The following CSPG5 variants were observed in gnomAD, a reference collection of about 807,000 sequenced individuals.
The protein encoded by CSPG5 is acidic leucine-rich EGF-like domain-containing brain protein.
Under a neutral mutation model 39.8 loss-of-function variants are expected in CSPG5, and 25 were observed. That is an observed-to-expected ratio of 0.63 (90% CI 0.46 to 0.88). The LOEUF is 0.88. Among genes scored for constraint, CSPG5 ranks in the 40% least tolerant of loss-of-function variants. The pLI is 0.00. For synonymous variants in CSPG5, 295 were observed against 303.9 expected (o/e 0.97, Z 0.31); for missense variants, 627 against 702.2 (o/e 0.89, Z 1.21).
Position 47,562,696 on chromosome 3 carries a change from T to G in CSPG5, c.1524A>C (p.Ser508=), listed in dbSNP as rs1293666691. The part of the protein sequence containing the change: ...VLKSCLKEEE[S]FNIQNSMSPK... ...GCGACATGGAGTTCTGGATGTTAAA[T>G]GACTCCTCCTCTTTCAGGCAGGACT... is the stretch of plus-strand genomic sequence containing the variant. Residue 508 remains serine (S), a synonymous_variant, in exon 5 of 5, where the codon TCA becomes TCC. Transcript: ENST00000264723. The G allele has an allele frequency of 6.2e-7, 1 of 1,613,974 alleles. No homozygotes were observed. The highest frequency in any genetic ancestry group is 2.2e-5 in the East Asian group (1 of 44,892).
At position 47,578,084 on chromosome 3, in the gene CSPG5, G is replaced by T; in HGVS notation, c.98-156C>A. On this transcript the variant is annotated intron_variant, in intron 1 of 4. Coordinates refer to ENST00000264723, the MANE Select transcript of CSPG5 (RefSeq NM_006574.4). This position sits in a 1 kb window ranked among gnomAD's most constrained non-coding sequence, Gnocchi z 6.0. ...CGCCCCAGTGTGACCCCAGCCACCC[G>T]GTACCTCTAAGCCCCGTCCCGGAGT... The T allele has an allele frequency of 8.7e-7, 1 of 1,154,416 alleles. No individual in the cohort carries two copies. Among genetic ancestry groups the T allele is most frequent in the African/African-American group, 1.6e-5 (1 of 60,926 alleles). The allele number at this position is 1,154,416 out of a possible 1,614,324, so 71.5% of individuals were successfully genotyped here.
chr3:47,566,656 C>G (rs1221703200), intron 4 of CSPG5, among the ~76,000 whole-genome samples: 3 of 152,202 alleles, frequency 2.0e-5, no homozygotes, highest in Non-Finnish European at 4.4e-5. Flanking sequence ...CAGCCTCAAT[C>G]TCCTTGAAGT....
chr3:47,564,295 G>C (rs900623356), intron 4 of CSPG5, among the ~76,000 whole-genome samples: 1 of 152,168 alleles, frequency 6.6e-6, no homozygotes, highest in Admixed American at 6.5e-5. Context: ...TGGGAGTGAT[G>C]AGTTGGAAAG....
At position 47,578,050 on chromosome 3, in the gene CSPG5, A is replaced by C; in HGVS notation, c.98-122T>G. On this transcript the variant is annotated intron_variant, in intron 1 of 4. Coordinates refer to ENST00000264723, the MANE Select transcript of CSPG5 (RefSeq NM_006574.4). The surrounding 1 kb of genome is among the most constrained non-coding windows in gnomAD (Gnocchi z 6.0). ...GGTCAACCCAGACCTCGCCACCCTC[A>C]GACCCCACCGCCCCAGTGTGACCCC... 1.5e-6 allele frequency: 2 copies of C among 1,298,024 alleles called. No individual in the cohort carries two copies. The highest frequency in any genetic ancestry group is 2.0e-6 in the Non-Finnish European group (2 of 1,023,994). The allele number at this position is 1,298,024 out of a possible 1,614,324, so 80.4% of individuals were successfully genotyped here. A position where few individuals can be genotyped will look rare whatever the true frequency, so the allele number is the denominator to read the frequency against.
chr3:47,576,007 G>A (rs1185184788), intron 2 of CSPG5, among the ~76,000 whole-genome samples: 3 of 142,878 alleles, frequency 2.1e-5, no homozygotes, highest in Non-Finnish European at 3.0e-5. Flanking sequence ...GCGTGATCTC[G>A]GCTCACTGCA....
chr3:47,573,923 C>T (rs938023187), intron 2 of CSPG5, among the ~76,000 whole-genome samples: 7 of 152,342 alleles, frequency 4.6e-5, no homozygotes, highest in Admixed American at 6.5e-5. Context: ...AGAAGTTCCG[C>T]CACAGCTCTG....
Position 47,572,957 on chromosome 3 carries a change from C to A in CSPG5, c.1194-83G>T. On this transcript the variant is annotated intron_variant, in intron 2 of 4. Transcript: ENST00000264723. The surrounding 1 kb of genome is among the most constrained non-coding windows in gnomAD (Gnocchi z 4.5). ...AGGGCCTGGGCCCTGACCCCAACAC[C>A]TATCTCCACAGCCTGTTCCGAAGGC... 3 of 1,176,434 alleles carry A rather than the reference C, an allele frequency of 2.6e-6. No homozygotes were observed. The highest frequency in any genetic ancestry group is 2.5e-5 in the East Asian group (1 of 40,738). 72.9% of individuals were successfully genotyped at this position (1,176,434 alleles called of 1,614,324 possible).
intron 3 of CSPG5, 69 bp from the exon 4 acceptor site, chr3:47,569,296 A>T (rs2031436863): frequency 6.6e-7 from 1 of 1,505,518 alleles, no homozygotes; most frequent in East Asian, 2.3e-5. Flanking sequence ...ACAATGTCTC[A>T]GCTTCTGGAT....
chr3:47,577,746 C>T lies in CSPG5; in HGVS notation c.280G>A (p.Ala94Thr). The T allele has an allele frequency of 6.3e-7, 1 of 1,584,288 alleles. No homozygotes were observed. Among genetic ancestry groups the T allele is most frequent in the Non-Finnish European group, 8.5e-7 (1 of 1,171,174 alleles). ...TCCAGCCAGGCGGTGCCGGTCACCG[C>T]AGCCGACTCCTGCAGCACCTCTTCT... ...GPEEVLQESA[A>T]VTGTAWLEAD... Residue 94 changes from alanine to threonine, a missense_variant, in exon 2 of 5, where the codon GCG becomes ACG. Physicochemically the swap from Ala to Thr is moderately conservative, Grantham distance 58. Transcript: ENST00000264723. This position sits in a 1 kb window ranked among gnomAD's most constrained non-coding sequence, Gnocchi z 4.7.
Position 47,577,741 on chromosome 3 carries a change from C to CT in CSPG5, c.284_285insA (p.Thr96AspfsTer9). On this transcript the variant is annotated frameshift_variant, in exon 2 of 5. Coordinates refer to ENST00000264723, the MANE Select transcript of CSPG5 (RefSeq NM_006574.4). LOFTEE classifies it high-confidence loss of function. The surrounding 1 kb of genome is among the most constrained non-coding windows in gnomAD (Gnocchi z 4.7). ...CAGCTTCCAGCCAGGCGGTGCCGGT[C>CT]ACCGCAGCCGACTCCTGCAGCACCT... is the stretch of plus-strand genomic sequence containing the variant. The CT allele has an allele frequency of 6.3e-7, 1 of 1,581,602 alleles. No homozygotes were observed. The highest frequency in any genetic ancestry group is 8.5e-7 in the Non-Finnish European group (1 of 1,169,750).
chr3:47,562,797 T>C (rs1366553740), intron 4 of CSPG5, 36 bp from the exon 5 acceptor site: 3 of 1,503,190 alleles, frequency 2.0e-6, no homozygotes, highest in African/African-American at 1.4e-5. Context: ...GGGGAGACAA[T>C]GCATACAGCA....
chr3:47,576,926 T>C lies in CSPG5; in HGVS notation c.1100A>G (p.Asn367Ser), dbSNP rs1249900862. The change falls in exon 2 of 5, where the codon AAC (asparagine) becomes AGC (serine). Residue 367 changes from asparagine (N) to serine (S), a missense_variant. Asn to Ser is a conservative substitution (Grantham distance 46). Coordinates refer to ENST00000264723, the MANE Select transcript of CSPG5 (RefSeq NM_006574.4). ...TECRSGFVRH[N>S]GSCRSVCDLF... ...GTCGCACACTGACCGGCAGGAGCCG[T>C]TATGCCGCACAAAGCCACTGCGGCA... 1 of 1,612,506 alleles carries C rather than the reference T, an allele frequency of 6.2e-7. No individual in the cohort carries two copies.
rs920741152 is a variant in CSPG5 at position 47,572,293 on chromosome 3, G to A, written c.1382+393C>T. Among the ~76,000 whole-genome samples, 7 of 152,294 alleles carry A rather than the reference G, an allele frequency of 4.6e-5. No individual in the cohort carries two copies. Among genetic ancestry groups the A allele is most frequent in the South Asian group, 2.1e-4 (1 of 4,822 alleles). On this transcript the variant is annotated intron_variant, in intron 3 of 4. Transcript: ENST00000264723. This position sits in a 1 kb window ranked among gnomAD's most constrained non-coding sequence, Gnocchi z 4.5. Reference sequence around the variant, plus strand: ...CACGCAGAATTATGAATGAAATCTCGCACTGGCCGCTGGCTGTCACAGTCC... The same window carrying A: ...CACGCAGAATTATGAATGAAATCTCACACTGGCCGCTGGCTGTCACAGTCC...
intron 3 of CSPG5, among the ~76,000 whole-genome samples, chr3:47,571,490 G>A (rs1299156285): frequency 3.3e-5 from 5 of 152,228 alleles, no homozygotes; most frequent in South Asian, 4.1e-4. Flanking sequence ...TGGTGTAGGC[G>A]TGAGGAGCCA....
chr3:47,571,095 TA>T (rs138935167), intron 3 of CSPG5, among the ~76,000 whole-genome samples: 2,440 of 142,998 alleles, frequency 0.017, 20 homozygotes, highest in South Asian at 0.044. Context: ...TCAATTAAAT[TA>T]AAAAAAAAAA....
In CSPG5 at chr3:47,569,151, C is replaced by T. The variant is rs190137660; in HGVS notation, c.1458+1G>A. 6 of 1,609,652 alleles carry T rather than the reference C, an allele frequency of 3.7e-6. No individual in the cohort carries two copies. The Admixed American group carries it at 6.7e-5, about 18-fold the overall frequency. Reference sequence around the variant, plus strand: ...CGGGGAGTGTTGCAAAGTTTCCTTACATTTGGGTGAGAGCCCTCGGCAATG... The same window carrying T: ...CGGGGAGTGTTGCAAAGTTTCCTTATATTTGGGTGAGAGCCCTCGGCAATG... On this transcript the variant is annotated splice_donor_variant, in intron 4 of 4. Coordinates refer to ENST00000264723, the MANE Select transcript of CSPG5 (RefSeq NM_006574.4). LOFTEE classifies it high-confidence loss of function.
At chr3:47,566,214 A>G (rs2031294143) in intron 4 of CSPG5, among the ~76,000 whole-genome samples, 1 of 152,146 alleles carries the variant, frequency 6.6e-6, no homozygotes, top group South Asian at 2.1e-4. Flanking sequence ...CTCGATGCAA[A>G]TAAATAAAAC....
Position 47,569,204 on chromosome 3 carries a change from A to G in CSPG5, c.1406T>C (p.Leu469Pro). 1 of 1,613,542 alleles carries G rather than the reference A, an allele frequency of 6.2e-7. No homozygotes were observed. The highest frequency in any genetic ancestry group is 8.5e-7 in the Non-Finnish European group (1 of 1,179,768). ...RTNKFRTPSELHNDNFSLSTI... is the reference protein window; with the variant it reads ...RTNKFRTPSEPHNDNFSLSTI... ...GGAGAGGGAGAAGTTATCATTGTGG[A>G]GCTCAGATGGGGTCCGGAATTTGCT... Residue 469 changes from leucine (L) to proline (P), a missense_variant, in exon 4 of 5, where the codon CTC becomes CCC. Coordinates refer to ENST00000264723, the MANE Select transcript of CSPG5 (RefSeq NM_006574.4).
chr3:47,562,783 G>T (rs376844246), intron 4 of CSPG5, 22 bp from the exon 5 acceptor site: 154 of 1,586,320 alleles, frequency 9.7e-5, no homozygotes, highest in East Asian at 5.2e-4. Context: ...AAAAAGTTGG[G>T]GGGGGGGAGA....
Sources: gnomAD v4.1 joint callset for allele counts (sites outside exome capture counted in the v4.1 genomes callset) on GRCh38, gnomAD v4.1.1 for gene constraint, Gnocchi (gnomAD v3.1) non-coding constraint, MANE v1.5 for transcripts, NCBI Gene and HGNC (gene_info 2026-07-23, HGNC 2026-07-21) for gene names.